CHMP3: variants seen among roughly 807,000 people sequenced by gnomAD.
CHMP3 encodes the protein charged multivesicular body protein 3.
A neutral mutation model predicts 27.4 loss-of-function variants in CHMP3; 8 were observed. The observed-to-expected ratio is 0.29, with a 90% confidence interval of 0.17 to 0.53. The LOEUF is 0.53. CHMP3 is among the 20% of genes least tolerant of loss of function. The pLI is 0.96. For missense variants in CHMP3, 208 were observed against 271.5 expected (o/e 0.77, Z 1.64); for synonymous variants, 86 against 85.5 (o/e 1.01, Z -0.03).
chr2:86,529,187 T>C (rs184196337), intron 3 of CHMP3, 31 bp downstream of exon 3: 14 of 1,543,692 alleles, frequency 9.1e-6, no homozygotes, highest in Admixed American at 2.1e-5. Flanking sequence ...CCCGGCATTA[T>C]GAGGTGACTG....
At chr2:86,554,812 C>CGTGT (rs771711385) in intron 1 of CHMP3, among the ~76,000 whole-genome samples, 14 of 77,908 alleles carry the variant, frequency 1.8e-4, no homozygotes, top group African/African-American at 4.1e-4. Flanking sequence ...AATGTGTGTG[C>CGTGT]GCGCGTGTGT....
At position 86,554,810 on chromosome 2, in the gene CHMP3, TGC is replaced by T. The variant is rs571670029; in HGVS notation, c.45+8492_45+8493del. Among the ~76,000 whole-genome samples the T allele has an allele frequency of 9.7e-3, 1,025 of 105,848 alleles. 12 individuals are homozygous for T. The highest frequency in any genetic ancestry group is 0.031 in the African/African-American group (918 of 29,696). The allele number at this position is 105,848 out of a possible 152,430, so 69.4% of individuals were successfully genotyped here. A position where few individuals can be genotyped will look rare whatever the true frequency, so the allele number is the denominator to read the frequency against. On this transcript the variant is annotated intron_variant, in intron 1 of 5. Coordinates refer to ENST00000263856, the MANE Select transcript of CHMP3 (RefSeq NM_016079.4). ...AGTCCATCAATAGAATAAATGTGTG[TGC>T]GCGCGTGTGTGTGTGTGTGTGTGTG...
Position 86,510,478 on chromosome 2 carries a change from C to G in CHMP3, c.288G>C (p.Ala96=), listed in dbSNP as rs144144066. The G allele has an allele frequency of 5.6e-5, 90 of 1,612,076 alleles. No homozygotes were observed. In the East Asian group the frequency reaches 9.6e-4, roughly 17 times the overall value. The change falls in exon 4 of 6, where the codon GCG becomes GCC. Residue 96 remains alanine, a splice_region_variant and synonymous_variant. Transcript: ENST00000263856. ...SVLMGMKNQL[A]VLRVAGSLQK... ...GCAGGGAACCAGCCACTCGCAAGAC[C>G]GCTGAAAGAGAATGTGTACAGTCAG...
At chr2:86,554,234 T>C (rs1055177398) in intron 1 of CHMP3, among the ~76,000 whole-genome samples, 3 of 152,234 alleles carry the variant, frequency 2.0e-5, no homozygotes, top group Non-Finnish European at 4.4e-5. Context: ...TTCTATTGTT[T>C]ATAAATTACT....
intron 1 of CHMP3, among the ~76,000 whole-genome samples, chr2:86,557,761 C>T (rs1222638311): frequency 6.6e-6 from 1 of 152,146 alleles, no homozygotes; most frequent in African/African-American, 2.4e-5. Context: ...CCCTGACCAG[C>T]TTCCGTTCCC....
chr2:86,511,485 G>A (rs993156644), intron 3 of CHMP3: 1 of 151,606 alleles, frequency 6.6e-6, no homozygotes, highest in African/African-American at 2.4e-5. Flanking sequence ...GCTGAAATAA[G>A]CAATAAATTA....
chr2:86,540,083 T>C (rs1274731079), intron 2 of CHMP3, among the ~76,000 whole-genome samples: 2 of 152,112 alleles, frequency 1.3e-5, no homozygotes, highest in African/African-American at 2.4e-5. Context: ...TCACTGTTTA[T>C]TGGACCTAAA....
chr2:86,548,413 G>A (rs935400299), intron 1 of CHMP3, among the ~76,000 whole-genome samples: 1 of 152,104 alleles, frequency 6.6e-6, no homozygotes, highest in Non-Finnish European at 1.5e-5. Context: ...CTGCCTTCAA[G>A]CATCTGTTTA....
chr2:86,529,118 A>G, intron 3 of CHMP3, 100 bp downstream of exon 3: 2 of 1,307,080 alleles, frequency 1.5e-6, no homozygotes, highest in Non-Finnish European at 2.0e-6. Flanking sequence ...AATACAAAGA[A>G]TAAAAACCAG....
chr2:86,540,955 G>A (rs1333156237), intron 2 of CHMP3: 1 of 151,536 alleles, frequency 6.6e-6, no homozygotes, highest in Non-Finnish European at 1.5e-5. Flanking sequence ...CACTGTATAT[G>A]TTTCATTGTT....
intron 1 of CHMP3, 52 bp from the exon 2 acceptor site, chr2:86,542,364 C>CA (rs775770714): frequency 4.6e-6 from 7 of 1,532,972 alleles, no homozygotes; most frequent in Non-Finnish European, 6.3e-6. Flanking sequence ...ACTCCTAACT[C>CA]AATCTAATTT....
At chr2:86,529,176 C>T in intron 3 of CHMP3, 42 bp downstream of exon 3, 1 of 1,504,262 alleles carries the variant, frequency 6.6e-7, no homozygotes, top group South Asian at 1.4e-5. Context: ...ATAACAGCAA[C>T]CCCGGCATTA....
intron 1 of CHMP3, among the ~76,000 whole-genome samples, chr2:86,554,942 G>C (rs968928829): frequency 6.6e-6 from 1 of 150,982 alleles, no homozygotes; most frequent in African/African-American, 2.4e-5. Flanking sequence ...TGCCTCCTGT[G>C]TTCAAGCAAT....
chr2:86,550,205 G>A (rs1022466237), intron 1 of CHMP3, among the ~76,000 whole-genome samples: 5 of 152,174 alleles, frequency 3.3e-5, no homozygotes, highest in East Asian at 1.9e-4. Flanking sequence ...GCAAAACCCC[G>A]TCTCCTCCAA....
intron 1 of CHMP3, 36 bp downstream of exon 1, chr2:86,563,268 A>G (rs764200610): frequency 1.2e-6 from 2 of 1,612,958 alleles, no homozygotes; most frequent in Admixed American, 1.7e-5. Flanking sequence ...CCCCACACAG[A>G]TCCACCCGCT....
rs1471681654 is a variant in CHMP3 at position 86,505,940 on chromosome 2, C to T, written c.533G>A (p.Gly178Asp). 6.4e-7 allele frequency: 1 copy of T among 1,562,360 alleles called. No homozygotes were observed. The highest frequency in any genetic ancestry group is 1.2e-5 in the South Asian group (1 of 84,650). ...ILFEITAGAL[G>D]KAPSKVTDAL... is the part of the protein sequence containing the mutation. The stretch of plus-strand genomic sequence containing the variant: ...ATCAGTCACTTTACTGGGTGCTTTG[C>T]CCAAGGCCCCTGAAAAGAAAGAGCA... The change falls in exon 6 of 6, where the codon GGC becomes GAC. Residue 178 changes from glycine (G) to aspartate (D), a missense_variant. By Grantham distance (94) the Gly-to-Asp change is moderately conservative (BLOSUM62 -1). Transcript: ENST00000263856.
intron 1 of CHMP3, among the ~76,000 whole-genome samples, chr2:86,555,719 T>G (rs1218161306): frequency 6.6e-6 from 1 of 152,142 alleles, no homozygotes; most frequent in Admixed American, 6.5e-5. Flanking sequence ...GCATCTTCAG[T>G]GCTGTCTCTG....
intron 2 of CHMP3, among the ~76,000 whole-genome samples, chr2:86,537,320 GTTTC>G (rs1676186542): frequency 6.6e-6 from 1 of 152,108 alleles, no homozygotes; most frequent in Non-Finnish European, 1.5e-5. Flanking sequence ...GAATTTTGGG[GTTTC>G]TTTTCTTGTT....
intron 3 of CHMP3, among the ~76,000 whole-genome samples, chr2:86,527,737 G>T (rs150870253): frequency 7.9e-5 from 12 of 152,270 alleles, no homozygotes; most frequent in African/African-American, 2.9e-4. Flanking sequence ...GAGGAAGGTA[G>T]ATCACCTGAG....
Sources: gnomAD v4.1 joint callset for allele counts (sites outside exome capture counted in the v4.1 genomes callset) on GRCh38, gnomAD v4.1.1 for gene constraint, MANE v1.5 for transcripts, NCBI Gene and HGNC (gene_info 2026-07-23, HGNC 2026-07-21) for gene names.